The following NID2 variants were observed in gnomAD, a reference collection of about 807,000 sequenced individuals.
NID2 encodes nidogen-2.
Under a neutral mutation model 145.4 loss-of-function variants are expected in NID2, and 83 were observed. The ratio of observed to expected loss-of-function variants is 0.57; its 90% CI spans 0.48 to 0.69. The LOEUF is 0.69. NID2 is among the 30% of genes least tolerant of loss of function. The pLI is 0.00. For synonymous variants in NID2, 739 were observed against 701.3 expected, an observed-to-expected ratio of 1.05 and a Z score of -0.85; for missense variants, 1,807 against 1,765.7, an observed-to-expected ratio of 1.02 and a Z score of -0.42.
At chr14:52,067,719 C>T in intron 2 of NID2, 139 bp downstream of exon 2, 2 of 1,022,116 alleles carry the variant, frequency 2.0e-6, no homozygotes, top group Non-Finnish European at 3.0e-6. Flanking sequence ...CCAAGCCACT[C>T]CAGCCCTGCT....
intron 12 of NID2, among the ~76,000 whole-genome samples, chr14:52,023,807 C>G (rs1891484027): frequency 6.6e-6 from 1 of 152,220 alleles, no homozygotes; most frequent in Non-Finnish European, 1.5e-5. Flanking sequence ...GTGACTCAGA[C>G]CAGACTGAGA....
At chr14:52,049,601 G>T (rs1242596460) in intron 5 of NID2, among the ~76,000 whole-genome samples, 1 of 151,190 alleles carries the variant, frequency 6.6e-6, no homozygotes, top group African/African-American at 2.4e-5. Flanking sequence ...CATTTTCACC[G>T]CAGGAAAAAT....
intron 2 of NID2, among the ~76,000 whole-genome samples, chr14:52,065,369 C>T (rs539962178): frequency 1.3e-5 from 2 of 151,600 alleles, no homozygotes; most frequent in Non-Finnish European, 2.9e-5. Context: ...AACAAGAACT[C>T]AAGTCCCAGA....
chr14:52,029,730 T>C, intron 9 of NID2, 40 bp from the exon 10 acceptor site: 2 of 1,586,742 alleles, frequency 1.3e-6, no homozygotes, highest in Non-Finnish European at 8.6e-7. Context: ...AATCTGGCTA[T>C]TGGTAAGCAA....
intron 1 of NID2, 65 bp from the exon 2 acceptor site, chr14:52,068,228 A>G (rs1893296585): frequency 6.9e-7 from 1 of 1,459,238 alleles, no homozygotes; most frequent in South Asian, 1.2e-5. Context: ...CCTTTCGCGC[A>G]GGGAGGGAAG....
chr14:52,011,078 GT>G (rs773347585), intron 17 of NID2, 31 bp from the exon 18 acceptor site: 1 of 1,603,990 alleles, frequency 6.2e-7, no homozygotes, highest in Non-Finnish European at 8.5e-7. Context: ...GGACTGGAGT[GT>G]TTGCAGGATA....
chr14:52,008,007 T>G, intron 18 of NID2, 40 bp from the exon 19 acceptor site: 1 of 1,535,028 alleles, frequency 6.5e-7, no homozygotes, highest in South Asian at 1.2e-5. Flanking sequence ...AATAGCCATG[T>G]AGCCTGTGGT....
intron 5 of NID2, among the ~76,000 whole-genome samples, chr14:52,051,086 A>C (rs994726346): frequency 2.6e-5 from 4 of 152,240 alleles, no homozygotes; most frequent in Non-Finnish European, 5.9e-5. Flanking sequence ...GCCTAGGAAG[A>C]CAGAGCTCGA....
intron 9 of NID2, among the ~76,000 whole-genome samples, chr14:52,035,856 G>GTATATA (rs60735637): frequency 0.043 from 2,778 of 65,238 alleles, 88 homozygotes; most frequent in African/African-American, 0.051. Context: ...ATTTTTTTGT[G>GTATATA]TATATATATA....
rs763643280 is a variant in NID2 at position 52,005,788 on chromosome 14, G to C, written c.4066C>G (p.Gln1356Glu). 6.2e-6 allele frequency: 10 copies of C among 1,613,918 alleles called. No individual in the cohort carries two copies. The highest frequency in any genetic ancestry group is 8.5e-6 in the Non-Finnish European group (10 of 1,179,822). ...GQFTDEYLPE[Q>E]RSHLYGITAV... ...GTTATCCCGTAGAGGTGAGATCGTT[G>C]TTCTGGGAGATACTCATCAGTAAAC... The change falls in exon 21 of 22, where the codon CAA becomes GAA. Residue 1356 changes from glutamine (Q) to glutamate (E), a missense_variant. Transcript: ENST00000216286.
At position 52,020,117 on chromosome 14, in the gene NID2, A is replaced by G. The variant is rs762923371; in HGVS notation, c.2736T>C (p.Gly912=). The G allele has an allele frequency of 2.5e-6, 4 of 1,614,166 alleles. No individual in the cohort carries two copies. The South Asian group carries it at 4.4e-5, about 18-fold the overall frequency. ...HPAATCYNTP[G]SFSCRCQPGY... is the part of the protein sequence containing the mutation. ...CGGGTTGACAACGGCAGGAGAAGGA[A>G]CCAGGAGTATTGTAGCAGGTAGCTG... Residue 912 remains glycine (G), a synonymous_variant, in exon 13 of 22, where the codon GGT becomes GGC. Transcript: ENST00000216286.
Position 52,069,044 on chromosome 14 carries a change from C to T in NID2, c.-50G>A. ...GCTGCACAACGCGTCCCGCCCCGGC[C>T]TCCAGCCCACTCTCCGCGCCGCGCC... On this transcript the variant is annotated 5_prime_UTR_variant, in exon 1 of 22. Coordinates refer to ENST00000216286, the MANE Select transcript of NID2 (RefSeq NM_007361.4). 7.0e-7 allele frequency: 1 copy of T among 1,428,540 alleles called. No homozygotes were observed. The highest frequency in any genetic ancestry group is 9.5e-7 in the Non-Finnish European group (1 of 1,047,280). The allele number at this position is 1,428,540 out of a possible 1,614,324, so 88.5% of individuals were successfully genotyped here.
chr14:52,020,392 C>G lies in NID2; in HGVS notation c.2675-214G>C, dbSNP rs185964889. ...ATCAAGGAACATGTGAGTTAACACA[C>G]TAGACTAAACGTGTTCAGTGTAGAA... On this transcript the variant is annotated intron_variant, in intron 12 of 21. Transcript: ENST00000216286. 438 of 591,888 alleles carry G rather than the reference C, an allele frequency of 7.4e-4. 3 individuals carry two copies. Among genetic ancestry groups the G allele is most frequent in the Non-Finnish European group, 4.1e-4 (151 of 368,858 alleles). The allele number at this position is 591,888 out of a possible 1,614,324, so 36.7% of individuals were successfully genotyped here. A position where few individuals can be genotyped will look rare whatever the true frequency, so the allele number is the denominator to read the frequency against.
intron 12 of NID2, 114 bp downstream of exon 12, chr14:52,027,087 A>G (rs1891612076): frequency 1.8e-6 from 2 of 1,124,282 alleles, no homozygotes; most frequent in Non-Finnish European, 2.4e-6. Flanking sequence ...TGGCAGCCAC[A>G]AGGCTGTTAG....
rs1453709326 is a variant in NID2, at chr14:52,005,287, T to C, written c.*199A>G. On this transcript the variant is annotated 3_prime_UTR_variant, in exon 22 of 22. Transcript: ENST00000216286. Reference sequence around the variant, plus strand: ...CTTTTTAAACTTGCAATAACAACCTTCATTTTTAAAAATACAGTAGTAAAG... The same window carrying C: ...CTTTTTAAACTTGCAATAACAACCTCCATTTTTAAAAATACAGTAGTAAAG... 2.4e-6 allele frequency: 1 copy of C among 421,644 alleles called. No homozygotes were observed. The highest frequency in any genetic ancestry group is 2.0e-5 in the African/African-American group (1 of 48,922). 26.1% of individuals were successfully genotyped at this position (421,644 alleles called of 1,614,324 possible). A position where few individuals can be genotyped will look rare whatever the true frequency, so the allele number is the denominator to read the frequency against.
At position 52,019,214 on chromosome 14, in the gene NID2, G is replaced by A; in HGVS notation, c.2875C>T (p.His959Tyr). The change falls in exon 14 of 22, where the codon CAC becomes TAC. Residue 959 changes from histidine to tyrosine, a missense_variant. His to Tyr is a moderately conservative substitution (Grantham distance 83). Transcript: ENST00000216286. ...AQYAYPGARFHIPQCDEQGNF... is the reference protein window; with the variant it reads ...AQYAYPGARFYIPQCDEQGNF... Reference sequence around the variant, plus strand: ...CCCTGCTCGTCGCATTGGGGGATGTGGAACCGGGCCCCAGGGTAGGCATAC... The same window carrying A: ...CCCTGCTCGTCGCATTGGGGGATGTAGAACCGGGCCCCAGGGTAGGCATAC... 1 of 1,613,518 alleles carries A rather than the reference G, an allele frequency of 6.2e-7. No individual in the cohort carries two copies. The highest frequency in any genetic ancestry group is 8.5e-7 in the Non-Finnish European group (1 of 1,179,488).
At chr14:52,005,647 G>T in intron 21 of NID2, 90 bp downstream of exon 21, 1 of 1,354,236 alleles carries the variant, frequency 7.4e-7, no homozygotes, top group Non-Finnish European at 1.1e-6. Flanking sequence ...AATGGTGGCA[G>T]TGTCACAGGC....
chr14:52,019,199 C>A lies in NID2; in HGVS notation c.2890G>T (p.Asp964Tyr). 6.2e-7 allele frequency: 1 copy of A among 1,613,862 alleles called. No individual in the cohort carries two copies. Among genetic ancestry groups the A allele is most frequent in the Non-Finnish European group, 8.5e-7 (1 of 1,179,822 alleles). ...PGARFHIPQC[D>Y]EQGNFLPLQC... is the part of the protein sequence containing the mutation. ...AGGGGCAGGAAGTTGCCCTGCTCGT[C>A]GCATTGGGGGATGTGGAACCGGGCC... is the stretch of plus-strand genomic sequence containing the variant. Residue 964 changes from aspartate (D) to tyrosine (Y), a missense_variant, in exon 14 of 22, where the codon GAC becomes TAC. Physicochemically the swap from Asp to Tyr is radical, Grantham distance 160. Coordinates refer to ENST00000216286, the MANE Select transcript of NID2 (RefSeq NM_007361.4).
At chr14:52,007,726 G>C (rs1444719524) in intron 19 of NID2, 84 bp downstream of exon 19, 6 of 1,195,640 alleles carry the variant, frequency 5.0e-6, no homozygotes, top group Non-Finnish European at 6.1e-6. Flanking sequence ...TAAGTGATGG[G>C]ATTTCATTTT....
Sources: gnomAD v4.1 joint callset for allele counts (sites outside exome capture counted in the v4.1 genomes callset) on GRCh38, gnomAD v4.1.1 for gene constraint, MANE v1.5 for transcripts, NCBI Gene and HGNC (gene_info 2026-07-23, HGNC 2026-07-21) for gene names.